Variants in CYTH3 observed in about 807,000 individuals in gnomAD.
The protein encoded by CYTH3 is cytohesin-3.
A neutral mutation model predicts 55.1 loss-of-function variants in CYTH3; 23 were observed. The observed-to-expected ratio is 0.42, with a 90% CI of 0.30 to 0.59. The LOEUF (loss-of-function observed/expected upper bound fraction) is 0.59. Among genes scored for constraint, CYTH3 ranks in the 20% least tolerant of loss-of-function variants. The probability of loss-of-function intolerance (pLI) is 0.20; values close to 1 mark genes in which losing one functional copy is unlikely to be tolerated. For synonymous variants in CYTH3, 249 were observed against 194.9 expected, an observed-to-expected ratio of 1.28 and a Z score of -2.31; for missense variants, 413 against 524.8, an observed-to-expected ratio of 0.79 and a Z score of 2.08.
intron 1 of CYTH3, among the ~76,000 whole-genome samples, chr7:6,208,488 C>A (rs1784248485): frequency 6.6e-6 from 1 of 152,070 alleles, no homozygotes; most frequent in Non-Finnish European, 1.5e-5. Flanking sequence ...ATAGCCAGCT[C>A]CTTGGGAACC....
At chr7:6,238,927 A>T (rs74337584) in intron 1 of CYTH3, among the ~76,000 whole-genome samples, 2,349 of 149,336 alleles carry the variant, frequency 0.016, 29 homozygotes, top group Non-Finnish European at 0.024. Context: ...ATAATAATAA[A>T]AAAAAGCCAA....
At chr7:6,246,550 T>C (rs1358178306) in intron 1 of CYTH3, among the ~76,000 whole-genome samples, 2 of 152,190 alleles carry the variant, frequency 1.3e-5, no homozygotes, top group Non-Finnish European at 2.9e-5. Context: ...TTGAATTTTC[T>C]AGTGATTATC....
At chr7:6,194,643 A>G (rs957176946) in intron 1 of CYTH3, among the ~76,000 whole-genome samples, 24 of 152,212 alleles carry the variant, frequency 1.6e-4, no homozygotes, top group African/African-American at 5.8e-4. Context: ...GCAACAGAAG[A>G]TATGTACCAA....
At chr7:6,224,316 A>T (rs1013717655) in intron 1 of CYTH3, among the ~76,000 whole-genome samples, 1 of 83,374 alleles carries the variant, frequency 1.2e-5, no homozygotes, top group African/African-American at 1.2e-4. Flanking sequence ...AAAAATAGGT[A>T]AAAAAAAAAA....
At chr7:6,245,804 T>C (rs922561428) in intron 1 of CYTH3, among the ~76,000 whole-genome samples, 24 of 152,148 alleles carry the variant, frequency 1.6e-4, no homozygotes, top group African/African-American at 5.6e-4. Flanking sequence ...CTCAGGAAGC[T>C]GAGGCAGGAG....
Position 6,189,231 on chromosome 7 carries a change from C to T in CYTH3, c.117+1218G>A, listed in dbSNP as rs1219424256. On this transcript the variant is annotated intron_variant, in intron 2 of 12. Transcript: ENST00000350796. ...TATTCACATGCTTCTCCTGTGGGAC[C>T]GCCCTCTACCCCATCCTCTGAGTAA... Among the ~76,000 whole-genome samples, 9 of 152,290 alleles carry T rather than the reference C, an allele frequency of 5.9e-5. No homozygotes were observed. In the South Asian group the frequency reaches 1.2e-3, roughly 21 times the overall value.
chr7:6,225,867 A>C (rs1363441963), intron 1 of CYTH3, among the ~76,000 whole-genome samples: 2 of 151,760 alleles, frequency 1.3e-5, no homozygotes, highest in Non-Finnish European at 2.9e-5. Flanking sequence ...TTTAGTAGAG[A>C]AGGGGTTTCA....
intron 1 of CYTH3, among the ~76,000 whole-genome samples, chr7:6,245,113 C>A (rs138078925): frequency 0.013 from 2,017 of 151,390 alleles, 26 homozygotes; most frequent in Middle Eastern, 0.058. Context: ...GCCACCGCGC[C>A]CGGCCTTCTA....
intron 9 of CYTH3, 65 bp from the exon 10 acceptor site, chr7:6,165,875 G>A (rs1782985698): frequency 2.6e-6 from 4 of 1,533,894 alleles, no homozygotes; most frequent in African/African-American, 1.4e-5. Context: ...TCCAAGAGGG[G>A]GCCCTGGACC....
chr7:6,262,707 C>T (rs1168757710), intron 1 of CYTH3, among the ~76,000 whole-genome samples: 1 of 152,152 alleles, frequency 6.6e-6, no homozygotes, highest in Non-Finnish European at 1.5e-5. Flanking sequence ...TTAAAAACTG[C>T]AATAAATTAA....
chr7:6,236,854 C>A (rs1251859456), intron 1 of CYTH3, among the ~76,000 whole-genome samples: 1 of 152,232 alleles, frequency 6.6e-6, no homozygotes, highest in African/African-American at 2.4e-5. Flanking sequence ...TGAGCCACTG[C>A]GCCCGGCCAA....
intron 1 of CYTH3, among the ~76,000 whole-genome samples, chr7:6,269,693 T>C (rs1243676945): frequency 6.6e-6 from 1 of 152,208 alleles, no homozygotes; most frequent in African/African-American, 2.4e-5. Context: ...CAATGTGTTC[T>C]TGTAATCTTG....
intron 1 of CYTH3, among the ~76,000 whole-genome samples, chr7:6,215,022 CAG>C (rs1352839381): frequency 2.0e-5 from 3 of 151,990 alleles, no homozygotes; most frequent in African/African-American, 4.8e-5. Flanking sequence ...CACAAAACTA[CAG>C]AGTTATTTGT....
chr7:6,258,992 C>T (rs1411819043), intron 1 of CYTH3, among the ~76,000 whole-genome samples: 2 of 152,190 alleles, frequency 1.3e-5, no homozygotes, highest in African/African-American at 4.8e-5. Flanking sequence ...AATAGGTCAA[C>T]CCATTTCCTC....
intron 1 of CYTH3, among the ~76,000 whole-genome samples, chr7:6,228,419 TA>T (rs1583179437): frequency 6.6e-6 from 1 of 152,084 alleles, no homozygotes; most frequent in Non-Finnish European, 1.5e-5. Context: ...TGGAGTCTTC[TA>T]GGGGGAGGGG....
rs903802554 is a variant in CYTH3 at position 6,228,192 on chromosome 7, CT to C, written c.35-37662del. On this transcript the variant is annotated intron_variant, in intron 1 of 12. Transcript: ENST00000350796. Reference sequence around the variant, plus strand: ...ATTACCTCCAGCCATTTCTGCTCACCTTTTTTCCAGTTTCAAAGAGGCAAGT... The same window carrying C: ...ATTACCTCCAGCCATTTCTGCTCACCTTTTTCCAGTTTCAAAGAGGCAAGT... Among the ~76,000 whole-genome samples, 10 of 152,264 alleles carry C rather than the reference CT, an allele frequency of 6.6e-5. 1 individual carries two copies. The highest frequency in any genetic ancestry group is 2.4e-4 in the African/African-American group (10 of 41,544).
intron 1 of CYTH3, among the ~76,000 whole-genome samples, chr7:6,190,978 G>C (rs1321662596): frequency 1.3e-5 from 2 of 151,962 alleles, no homozygotes; most frequent in Non-Finnish European, 2.9e-5. Context: ...TCGGGAGGCT[G>C]AGGCAGGAGA....
intron 1 of CYTH3, among the ~76,000 whole-genome samples, chr7:6,251,378 G>A (rs1032762812): frequency 1.7e-4 from 26 of 150,532 alleles, no homozygotes; most frequent in Non-Finnish European, 3.4e-4. Context: ...GAGAGAAGGA[G>A]GGGAGACATG....
chr7:6,224,124 C>A (rs1018196147), intron 1 of CYTH3, among the ~76,000 whole-genome samples: 2 of 152,024 alleles, frequency 1.3e-5, no homozygotes, highest in African/African-American at 2.4e-5. Flanking sequence ...CTCAAGCGAT[C>A]CCCCTGCCTC....
Sources: gnomAD v4.1 joint callset for allele counts (sites outside exome capture counted in the v4.1 genomes callset) on GRCh38, gnomAD v4.1.1 for gene constraint, MANE v1.5 for transcripts, NCBI Gene and HGNC (gene_info 2026-07-23, HGNC 2026-07-21) for gene names.